Variants in SH3KBP1 observed in about 807,000 individuals in gnomAD.
SH3KBP1 encodes SH3 domain containing kinase binding protein 1.
Under a neutral mutation model 50.1 loss-of-function variants are expected in SH3KBP1, and 8 were observed. The ratio of observed to expected loss-of-function variants is 0.16; its 90% CI spans 0.09 to 0.29. The LOEUF is 0.29. SH3KBP1 is among the 10% of genes least tolerant of loss of function. The pLI, the probability that SH3KBP1 is intolerant of heterozygous loss-of-function variation, is 1.00. For synonymous variants in SH3KBP1, 227 were observed against 218.6 expected, an observed-to-expected ratio of 1.04 and a Z score of -0.34; for missense variants, 377 against 535.2, an observed-to-expected ratio of 0.70 and a Z score of 2.92.
intron 1 of SH3KBP1, among the ~76,000 whole-genome samples, chrX:19,878,568 A>C (rs906873130): frequency 5.7e-5 from 6 of 105,522 alleles, no homozygotes; most frequent in African/African-American, 1.1e-4. Flanking sequence ...ATCAACCAAA[A>C]ACACACACAC....
intron 3 of SH3KBP1, among the ~76,000 whole-genome samples, chrX:19,711,020 G>A (rs375537041): frequency 1.8e-5 from 2 of 111,468 alleles, no homozygotes; most frequent in South Asian, 3.7e-4. Context: ...AACCTCTGGG[G>A]TAGATTACTA....
intron 2 of SH3KBP1, among the ~76,000 whole-genome samples, chrX:19,790,966 G>A (rs776167717): frequency 9.0e-6 from 1 of 110,825 alleles, no homozygotes; most frequent in African/African-American, 3.3e-5. Context: ...AACTTTATAT[G>A]CATATTCTAA....
intron 8 of SH3KBP1, among the ~76,000 whole-genome samples, chrX:19,618,445 C>T (rs1157569129): frequency 3.8e-5 from 4 of 106,656 alleles, no homozygotes; most frequent in African/African-American, 1.4e-4. Context: ...GAGAACAGCA[C>T]CCAACAGATG....
chrX:19,867,176 G>T (rs191498234), intron 1 of SH3KBP1, among the ~76,000 whole-genome samples: 2 of 111,473 alleles, frequency 1.8e-5, no homozygotes, highest in Non-Finnish European at 3.8e-5. Flanking sequence ...TGGCCTGGGC[G>T]CCAGGGAAAC....
chrX:19,832,667 C>T (rs1393148613), intron 2 of SH3KBP1, among the ~76,000 whole-genome samples: 2 of 110,449 alleles, frequency 1.8e-5, no homozygotes, highest in East Asian at 2.9e-4. Context: ...CAATCTCACT[C>T]GCATCCCTCC....
At chrX:19,837,462 C>CTTTTT (rs777871798) in intron 1 of SH3KBP1, among the ~76,000 whole-genome samples, 44 of 72,748 alleles carry the variant, frequency 6.0e-4, no homozygotes, top group Middle Eastern at 9.1e-3. Flanking sequence ...TTTCATAACA[C>CTTTTT]TTTTTTTTTT....
At chrX:19,881,161 C>T (rs1342620159) in intron 1 of SH3KBP1, among the ~76,000 whole-genome samples, 1 of 112,037 alleles carries the variant, frequency 8.9e-6, no homozygotes, top group African/African-American at 3.2e-5. Flanking sequence ...GTCTCAGAGA[C>T]CTGAATGAGC....
At chrX:19,824,765 T>C (rs1350446408) in intron 2 of SH3KBP1, among the ~76,000 whole-genome samples, 2 of 111,626 alleles carry the variant, frequency 1.8e-5, no homozygotes, top group African/African-American at 6.5e-5. Flanking sequence ...TAAAACTCAC[T>C]GAGGTCACAG....
intron 6 of SH3KBP1, among the ~76,000 whole-genome samples, chrX:19,662,611 G>A (rs1326417348): frequency 9.0e-6 from 1 of 111,413 alleles, no homozygotes; most frequent in Non-Finnish European, 1.9e-5. Context: ...TCAAATGGGA[G>A]AAAAAACAAG....
Position 19,608,138 on chromosome X carries a change from T to C in SH3KBP1, c.898-93A>G, listed in dbSNP as rs150678474. On this transcript the variant is annotated intron_variant, in intron 8 of 17. Coordinates refer to ENST00000397821, the MANE Select transcript of SH3KBP1 (RefSeq NM_031892.3). Reference sequence around the variant, plus strand: ...CTTCAAGAGAATGGAGGCCCTTTCCTGGAGGTCCGTGTTAATGAGGCAATG... The same window carrying C: ...CTTCAAGAGAATGGAGGCCCTTTCCCGGAGGTCCGTGTTAATGAGGCAATG... The C allele has an allele frequency of 7.8e-4, 540 of 689,385 alleles. 10 individuals carry two copies. The East Asian group carries it at 0.019, about 24-fold the overall frequency. 56.8% of individuals were successfully genotyped at this position (689,385 alleles called of 1,213,427 possible).
intron 5 of SH3KBP1, among the ~76,000 whole-genome samples, chrX:19,691,352 CTCTCTA>C (rs1465546863): frequency 1.2e-3 from 103 of 89,391 alleles, no homozygotes; most frequent in African/African-American, 4.4e-3. Context: ...CTCTCTCTCT[CTCTCTA>C]TATATATATA....
At chrX:19,726,843 T>C (rs1372143006) in intron 3 of SH3KBP1, among the ~76,000 whole-genome samples, 1 of 112,349 alleles carries the variant, frequency 8.9e-6, no homozygotes, top group East Asian at 2.8e-4. Flanking sequence ...AAACATTGCT[T>C]TTTAGAGTTA....
At chrX:19,694,949 C>T (rs1461502434) in intron 5 of SH3KBP1, 22 of 1,093,268 alleles carry the variant, frequency 2.0e-5, no homozygotes, top group African/African-American at 3.7e-5. Flanking sequence ...CACAGACGCC[C>T]ACAGTTGGGT....
At chrX:19,609,323 A>G (rs754842962) in intron 8 of SH3KBP1, among the ~76,000 whole-genome samples, 71 of 111,535 alleles carry the variant, frequency 6.4e-4, no homozygotes, top group African/African-American at 2.3e-3. Context: ...TATATATATA[A>G]TATACACACC....
chrX:19,681,273 T>C (rs1277195257), intron 6 of SH3KBP1, among the ~76,000 whole-genome samples: 2 of 112,327 alleles, frequency 1.8e-5, no homozygotes, highest in Non-Finnish European at 3.8e-5. Flanking sequence ...CCAATATCAA[T>C]GCAATAAATG....
At chrX:19,607,523 G>A (rs1323891172) in intron 9 of SH3KBP1, among the ~76,000 whole-genome samples, 1 of 111,817 alleles carries the variant, frequency 8.9e-6, no homozygotes, top group Non-Finnish European at 1.9e-5. Flanking sequence ...AACAGGCCTC[G>A]CCCTGCATCC....
chrX:19,623,622 T>C (rs2067919411), intron 8 of SH3KBP1, among the ~76,000 whole-genome samples: 1 of 112,087 alleles, frequency 8.9e-6, no homozygotes, highest in Non-Finnish European at 1.9e-5. Flanking sequence ...AGGCGGAGGT[T>C]GCAGTGAGCC....
At chrX:19,817,603 T>C (rs2067395262) in intron 2 of SH3KBP1, among the ~76,000 whole-genome samples, 1 of 112,366 alleles carries the variant, frequency 8.9e-6, no homozygotes, top group Non-Finnish European at 1.9e-5. Context: ...CATACTTCTA[T>C]TGTATTAAGT....
chrX:19,535,330 C>T lies in SH3KBP1; in HGVS notation c.*1087G>A. The T allele has an allele frequency of 5.1e-6, 1 of 195,100 alleles. No individual in the cohort carries two copies. Among genetic ancestry groups the T allele is most frequent in the Non-Finnish European group, 9.4e-6 (1 of 105,904 alleles). The allele number at this position is 195,100 out of a possible 1,213,427, so 16.1% of individuals were successfully genotyped here. On this transcript the variant is annotated 3_prime_UTR_variant, in exon 18 of 18. Transcript: ENST00000397821. ...GGTTACAAGTGAGCAAGGCAAATGACATTATGTGAATACAGTTTAAACGAT... is the reference window on the plus strand; with the variant it reads ...GGTTACAAGTGAGCAAGGCAAATGATATTATGTGAATACAGTTTAAACGAT...
Sources: allele counts gnomAD v4.1 joint callset (sites outside exome capture counted in the v4.1 genomes callset), GRCh38; gene constraint gnomAD v4.1.1; transcripts MANE v1.5; gene names NCBI Gene and HGNC (gene_info 2026-07-23, HGNC 2026-07-21).